Variants in UGGT2 observed in about 807,000 individuals in gnomAD.
UGGT2 encodes UDP-glucose glycoprotein glucosyltransferase 2.
In UGGT2, 180 loss-of-function variants were observed where a neutral mutation model predicts 192.1. The ratio of observed to expected loss-of-function variants is 0.94; its 90% CI spans 0.83 to 1.06. The LOEUF (loss-of-function observed/expected upper bound fraction) is 1.06. UGGT2 is among the 50% of genes least tolerant of loss of function. The probability of loss-of-function intolerance (pLI) is 0.00; values close to 1 mark genes in which losing one functional copy is unlikely to be tolerated. For missense variants in UGGT2, 1,849 were observed against 1,795.7 expected (o/e 1.03, Z -0.54); for synonymous variants, 580 against 591.0 (o/e 0.98, Z 0.27).
At chr13:95,835,437 T>C (rs1202473911) in intron 37 of UGGT2, among the ~76,000 whole-genome samples, 1 of 152,222 alleles carries the variant, frequency 6.6e-6, no homozygotes, top group Non-Finnish European at 1.5e-5. Flanking sequence ...TATTAGTAGT[T>C]GTGTTCAATA....
chr13:95,906,874 T>A (rs2048307923), intron 20 of UGGT2, among the ~76,000 whole-genome samples: 1 of 152,174 alleles, frequency 6.6e-6, no homozygotes, highest in Admixed American at 6.5e-5. Context: ...ATGCAGCAGA[T>A]GGGTGATTCC....
At chr13:95,909,370 A>G (rs1167970851) in intron 20 of UGGT2, among the ~76,000 whole-genome samples, 2 of 152,046 alleles carry the variant, frequency 1.3e-5, no homozygotes, top group East Asian at 3.9e-4. Flanking sequence ...CAACAATGAT[A>G]GACTGGATTA....
chr13:96,016,582 C>G (rs1415088984), intron 4 of UGGT2, among the ~76,000 whole-genome samples: 1 of 152,164 alleles, frequency 6.6e-6, no homozygotes, highest in Non-Finnish European at 1.5e-5. Context: ...TGCAGATGCT[C>G]AGGAGGCAAG....
chr13:95,895,295 G>T lies in UGGT2; in HGVS notation c.2644C>A (p.Pro882Thr), dbSNP rs1240708083. ...TCTGCATAAAAATCTTCATCTAAAG[G>T]TCCTAAGAACTTAAAATAAAAACAG... ...GIVSNGRFLG[P>T]LDEDFYAEDF... Residue 882 changes from proline to threonine, a missense_variant, in exon 23 of 39, where the codon CCT (proline) becomes ACT (threonine). By Grantham distance (38) the Pro-to-Thr change is conservative. Coordinates refer to ENST00000376747, the MANE Select transcript of UGGT2 (RefSeq NM_020121.4). 2 of 1,453,402 alleles carry T rather than the reference G, an allele frequency of 1.4e-6. No individual in the cohort carries two copies. The highest frequency in any genetic ancestry group is 1.8e-4 in the Middle Eastern group (1 of 5,620). The allele number at this position is 1,453,402 out of a possible 1,614,324, so 90.0% of individuals were successfully genotyped here.
chr13:95,974,628 CAG>C (rs2050879285), intron 10 of UGGT2, among the ~76,000 whole-genome samples: 2 of 152,232 alleles, frequency 1.3e-5, no homozygotes, highest in South Asian at 2.1e-4. Context: ...TCCTCTGCCC[CAG>C]AGAGTTACCC....
intron 7 of UGGT2, among the ~76,000 whole-genome samples, chr13:95,995,665 G>A (rs1298863349): frequency 6.6e-6 from 1 of 151,816 alleles, no homozygotes; most frequent in Non-Finnish European, 1.5e-5. Flanking sequence ...TGTTCTATGG[G>A]ACTGTTTCAA....
chr13:95,900,247 A>G (rs1315064328), intron 22 of UGGT2, among the ~76,000 whole-genome samples: 1 of 152,120 alleles, frequency 6.6e-6, no homozygotes, highest in Non-Finnish European at 1.5e-5. Flanking sequence ...CTATCTATGT[A>G]TGGTAGAAAA....
chr13:95,875,296 A>T (rs1305379172), intron 29 of UGGT2, among the ~76,000 whole-genome samples: 1 of 152,140 alleles, frequency 6.6e-6, no homozygotes, highest in Non-Finnish European at 1.5e-5. Context: ...TTGTTCTAAT[A>T]TTGAGTTCTG....
intron 12 of UGGT2, among the ~76,000 whole-genome samples, chr13:95,950,595 GAAA>G (rs11452928): frequency 1.5e-5 from 2 of 130,998 alleles, no homozygotes; most frequent in African/African-American, 5.7e-5. Context: ...AATGAAACAG[GAAA>G]AAAAAAAAAG....
At chr13:96,046,016 C>G (rs2053299817) in intron 1 of UGGT2, among the ~76,000 whole-genome samples, 1 of 151,896 alleles carries the variant, frequency 6.6e-6, no homozygotes, top group South Asian at 2.1e-4. Context: ...AAAAAAGAGC[C>G]CACACAGCCA....
At chr13:96,033,493 T>C (rs2052903216) in intron 1 of UGGT2, among the ~76,000 whole-genome samples, 1 of 152,020 alleles carries the variant, frequency 6.6e-6, no homozygotes, top group African/African-American at 2.4e-5. Context: ...CCTACTGAGT[T>C]GGCGGGGTGG....
chr13:95,902,854 C>T lies in UGGT2; in HGVS notation c.2502G>A (p.Glu834=). 1 of 1,611,484 alleles carries T rather than the reference C, an allele frequency of 6.2e-7. No homozygotes were observed. The highest frequency in any genetic ancestry group is 8.5e-7 in the Non-Finnish European group (1 of 1,178,790). The change falls in exon 21 of 39, where the codon GAG becomes GAA. Residue 834 remains glutamate, a splice_region_variant and synonymous_variant. Transcript: ENST00000376747. ...TTTAATATTTCAAATAGCTACTGAC[C>T]TCAATAAGGAATGTTTTAATTTTAT... The part of the protein sequence containing the change: ...SGDKIKTFLI[E]GMDKNAFEKK...
At chr13:95,989,211 T>C (rs1280248644) in intron 8 of UGGT2, among the ~76,000 whole-genome samples, 3 of 152,124 alleles carry the variant, frequency 2.0e-5, no homozygotes, top group Non-Finnish European at 4.4e-5. Context: ...GTGAACGTAT[T>C]AGTATGAATA....
chr13:96,051,697 A>G (rs1007573961), intron 1 of UGGT2, among the ~76,000 whole-genome samples: 4 of 152,190 alleles, frequency 2.6e-5, no homozygotes, highest in Non-Finnish European at 4.4e-5. Flanking sequence ...ACAATTCTCA[A>G]AAGATATATA....
intron 12 of UGGT2, among the ~76,000 whole-genome samples, chr13:95,960,662 G>A (rs954571090): frequency 5.3e-5 from 8 of 152,172 alleles, no homozygotes; most frequent in Non-Finnish European, 1.0e-4. Flanking sequence ...CAAGTCTAAT[G>A]AGATTTAGAT....
chr13:96,039,355 T>C (rs1332613523), intron 1 of UGGT2, among the ~76,000 whole-genome samples: 1 of 152,176 alleles, frequency 6.6e-6, no homozygotes, highest in Non-Finnish European at 1.5e-5. Flanking sequence ...TTTGTAAGAC[T>C]ATTGTATATT....
At chr13:95,838,535 T>C (rs1887539204) in intron 36 of UGGT2, among the ~76,000 whole-genome samples, 1 of 152,124 alleles carries the variant, frequency 6.6e-6, no homozygotes. Context: ...ACTACCACAC[T>C]TGAAGTCTTA....
At chr13:95,857,624 T>C (rs958055615) in intron 33 of UGGT2, among the ~76,000 whole-genome samples, 1 of 152,142 alleles carries the variant, frequency 6.6e-6, no homozygotes, top group Admixed American at 6.6e-5. Context: ...TTTACACAGA[T>C]GTTTGAGTTT....
intron 37 of UGGT2, 75 bp downstream of exon 37, chr13:95,837,011 T>C (rs1887362312): frequency 1.7e-6 from 2 of 1,188,786 alleles, no homozygotes; most frequent in Non-Finnish European, 1.3e-6. Context: ...ACTCCCTTTG[T>C]AAAACAGAAA....
Sources: allele counts gnomAD v4.1 joint callset (sites outside exome capture counted in the v4.1 genomes callset), GRCh38; gene constraint gnomAD v4.1.1; transcripts MANE v1.5; gene names NCBI Gene and HGNC (gene_info 2026-07-23, HGNC 2026-07-21).